LDLRAD4: variants seen among roughly 807,000 people sequenced by gnomAD.
LDLRAD4 encodes the protein low density lipoprotein receptor class A domain containing 4, also known as low-density lipoprotein receptor class A domain-containing protein 4.
LDLRAD4 carries 5 observed loss-of-function variants against 17.0 expected under a neutral mutation model. That is an observed-to-expected ratio of 0.29 (90% CI 0.15 to 0.62). The LOEUF is 0.62. Among genes scored for constraint, LDLRAD4 ranks in the 20% least tolerant of loss-of-function variants. LDLRAD4 has a pLI of 0.84. For synonymous variants in LDLRAD4, 168 were observed against 171.8 expected, an observed-to-expected ratio of 0.98 and a Z score of 0.17; for missense variants, 340 against 424.7, an observed-to-expected ratio of 0.80 and a Z score of 1.75.
chr18:13,591,432 C>CTGTGTG (rs58480746), intron 3 of LDLRAD4, among the ~76,000 whole-genome samples: 1 of 150,658 alleles, frequency 6.6e-6, no homozygotes, highest in East Asian at 1.9e-4. Context: ...GTGTGTGTGT[C>CTGTGTG]TGTGTGTGTG....
chr18:13,566,469 T>G (rs1310165776), intron 3 of LDLRAD4, among the ~76,000 whole-genome samples: 1 of 151,652 alleles, frequency 6.6e-6, no homozygotes, highest in Non-Finnish European at 1.5e-5. Context: ...TTCAAGTGAT[T>G]CTCCTGCCTC....
At chr18:13,549,957 A>C (rs2094413753) in intron 3 of LDLRAD4, among the ~76,000 whole-genome samples, 1 of 152,166 alleles carries the variant, frequency 6.6e-6, no homozygotes, top group Admixed American at 6.5e-5. Flanking sequence ...CTTCTGTATA[A>C]TGGAGATGAT....
At chr18:13,377,790 G>C (rs2085034465) in intron 1 of LDLRAD4, among the ~76,000 whole-genome samples, 1 of 152,178 alleles carries the variant, frequency 6.6e-6, no homozygotes, top group Non-Finnish European at 1.5e-5. Context: ...AAGTTGCATG[G>C]AGCAATAGGC....
intron 1 of LDLRAD4, among the ~76,000 whole-genome samples, chr18:13,290,984 A>G (rs1362738212): frequency 6.6e-6 from 1 of 152,196 alleles, no homozygotes; most frequent in Admixed American, 6.5e-5. Flanking sequence ...TTTGTGACAC[A>G]TGGGGATTTT....
intron 3 of LDLRAD4, among the ~76,000 whole-genome samples, chr18:13,497,183 G>T (rs2093487328): frequency 6.6e-6 from 1 of 152,092 alleles, no homozygotes; most frequent in South Asian, 2.1e-4. Context: ...TTAAAGAAGG[G>T]TTCTTTTTAT....
At chr18:13,597,466 A>T (rs1345996081) in intron 3 of LDLRAD4, among the ~76,000 whole-genome samples, 1 of 151,134 alleles carries the variant, frequency 6.6e-6, no homozygotes, top group Non-Finnish European at 1.5e-5. Context: ...ACTTTAGTAC[A>T]TTTTCAGCCA....
At chr18:13,468,953 A>G (rs1186059348) in intron 3 of LDLRAD4, among the ~76,000 whole-genome samples, 1 of 152,110 alleles carries the variant, frequency 6.6e-6, no homozygotes, top group Non-Finnish European at 1.5e-5. Context: ...ATACATATGT[A>G]ACTAACCTGC....
At chr18:13,594,067 T>C (rs987647695) in intron 3 of LDLRAD4, among the ~76,000 whole-genome samples, 3 of 152,054 alleles carry the variant, frequency 2.0e-5, no homozygotes, top group African/African-American at 4.8e-5. Flanking sequence ...CACACACACA[T>C]GCAACTGCAT....
chr18:13,557,991 T>C (rs1030403383), intron 3 of LDLRAD4, among the ~76,000 whole-genome samples: 5 of 152,200 alleles, frequency 3.3e-5, no homozygotes, highest in African/African-American at 4.8e-5. Flanking sequence ...ATTCCACATA[T>C]TGAAATATAA....
chr18:13,582,490 G>A (rs73954861), intron 3 of LDLRAD4, among the ~76,000 whole-genome samples: 3,758 of 152,304 alleles, frequency 0.025, 168 homozygotes, highest in African/African-American at 0.086. Context: ...GCCCCCAGCC[G>A]AGGGCAGTGT....
At chr18:13,580,585 G>A (rs1474206654) in intron 3 of LDLRAD4, among the ~76,000 whole-genome samples, 2 of 152,174 alleles carry the variant, frequency 1.3e-5, no homozygotes, top group East Asian at 3.9e-4. Context: ...GGACTCTGCT[G>A]GAATGTGCAG....
intron 4 of LDLRAD4, chr18:13,642,159 C>T: frequency 1.0e-6 from 1 of 985,496 alleles, no homozygotes; most frequent in Non-Finnish European, 1.2e-6. Context: ...CAGGATGTCC[C>T]CGAGTATCTT....
chr18:13,435,395 A>G (rs74741148), intron 2 of LDLRAD4, among the ~76,000 whole-genome samples: 4,286 of 152,236 alleles, frequency 0.028, 208 homozygotes, highest in African/African-American at 0.097. Context: ...TTACTCTGAT[A>G]TTGGGCTAAT....
chr18:13,558,018 C>G (rs1014782303), intron 3 of LDLRAD4, among the ~76,000 whole-genome samples: 6 of 152,146 alleles, frequency 3.9e-5, no homozygotes, highest in Non-Finnish European at 8.8e-5. Flanking sequence ...GTTTTGCAAA[C>G]TTTGATTGGC....
At chr18:13,279,351 A>G (rs976136706) in intron 1 of LDLRAD4, 1 of 152,116 alleles carries the variant, frequency 6.6e-6, no homozygotes, top group Non-Finnish European at 1.5e-5. Flanking sequence ...CGTTTGGCAC[A>G]CCCACCGCCA....
chr18:13,437,742 G>T (rs1006376942), intron 2 of LDLRAD4, among the ~76,000 whole-genome samples: 11 of 152,218 alleles, frequency 7.2e-5, no homozygotes, highest in African/African-American at 2.7e-4. Context: ...GAAATATGTT[G>T]TCCAGATTCT....
chr18:13,323,840 G>A (rs1355418879), intron 1 of LDLRAD4, among the ~76,000 whole-genome samples: 1 of 152,126 alleles, frequency 6.6e-6, no homozygotes, highest in Admixed American at 6.5e-5. Flanking sequence ...AGTCATCAGA[G>A]TTATCATCTG....
intron 1 of LDLRAD4, among the ~76,000 whole-genome samples, chr18:13,382,100 A>G (rs942949087): frequency 2.6e-5 from 4 of 152,216 alleles, no homozygotes; most frequent in South Asian, 2.1e-4. Context: ...CCAGCGAAAC[A>G]GTCTGTCCAC....
At chr18:13,301,443 T>C (rs1044667010) in intron 1 of LDLRAD4, among the ~76,000 whole-genome samples, 4 of 135,922 alleles carry the variant, frequency 2.9e-5, no homozygotes, top group African/African-American at 1.1e-4. Context: ...GCGAGGGGGG[T>C]GGGGAAGATT....
Sources: gnomAD v4.1 joint callset for allele counts (sites outside exome capture counted in the v4.1 genomes callset) on GRCh38, gnomAD v4.1.1 for gene constraint, MANE v1.5 for transcripts, NCBI Gene and HGNC (gene_info 2026-07-23, HGNC 2026-07-21) for gene names.